The following CARMIL1 variants were observed in gnomAD, a reference collection of about 807,000 sequenced individuals.
CARMIL1 encodes the protein F-actin-uncapping protein LRRC16A.
Under a neutral mutation model 177.1 loss-of-function variants are expected in CARMIL1, and 90 were observed. That is an observed-to-expected ratio of 0.51 (90% CI 0.43 to 0.61). The LOEUF (loss-of-function observed/expected upper bound fraction) is 0.61. Among genes scored for constraint, CARMIL1 ranks in the 20% least tolerant of loss-of-function variants. The pLI, the probability that CARMIL1 is intolerant of heterozygous loss-of-function variation, is 0.00. For synonymous variants in CARMIL1, 577 were observed against 606.2 expected, an observed-to-expected ratio of 0.95 and a Z score of 0.71; for missense variants, 1,380 against 1,667.0, an observed-to-expected ratio of 0.83 and a Z score of 3.00.
At chr6:25,299,381 A>G (rs549470179) in intron 2 of CARMIL1, among the ~76,000 whole-genome samples, 1 of 151,040 alleles carries the variant, frequency 6.6e-6, no homozygotes, top group Admixed American at 6.6e-5. Flanking sequence ...CATGTTGGCC[A>G]GGCTGGTCTC....
chr6:25,599,504 T>C (rs1420930925), intron 32 of CARMIL1, among the ~76,000 whole-genome samples: 1 of 152,212 alleles, frequency 6.6e-6, no homozygotes, highest in Non-Finnish European at 1.5e-5. Flanking sequence ...ACTTCCTACT[T>C]AGCTCATTTC....
chr6:25,563,148 C>A, intron 29 of CARMIL1: 1 of 792,404 alleles, frequency 1.3e-6, no homozygotes, highest in Non-Finnish European at 1.5e-6. Context: ...TACAGTAGAG[C>A]CAATAGTAAG....
intron 2 of CARMIL1, among the ~76,000 whole-genome samples, chr6:25,295,711 A>G (rs538579366): frequency 1.3e-4 from 20 of 152,324 alleles, no homozygotes; most frequent in African/African-American, 4.1e-4. Context: ...GGGTTCTTTC[A>G]GATCTCCCTG....
intron 2 of CARMIL1, among the ~76,000 whole-genome samples, chr6:25,392,053 CATGTGTGTGTGTGTGT>C (rs1562076695): frequency 5.1e-4 from 55 of 107,640 alleles, no homozygotes; most frequent in African/African-American, 1.1e-3. Flanking sequence ...TGTGTATATG[CATGTGTGTGTGTGTGT>C]GTGTGTGTGT....
chr6:25,472,795 C>G (rs890815260), intron 11 of CARMIL1, among the ~76,000 whole-genome samples: 6 of 152,144 alleles, frequency 3.9e-5, no homozygotes, highest in African/African-American at 1.4e-4. Flanking sequence ...AACAAATTAC[C>G]ACATACTTGG....
chr6:25,511,896 T>A (rs1271254363), intron 20 of CARMIL1, among the ~76,000 whole-genome samples: 2 of 152,232 alleles, frequency 1.3e-5, no homozygotes, highest in African/African-American at 2.4e-5. Context: ...AATTCAGCAC[T>A]TCTCCTTACC....
chr6:25,290,222 A>G (rs867156771), intron 2 of CARMIL1, among the ~76,000 whole-genome samples: 2 of 152,082 alleles, frequency 1.3e-5, no homozygotes, highest in Non-Finnish European at 2.9e-5. Context: ...CAGCCTCCCA[A>G]GTAGCTGGGA....
chr6:25,284,438 G>A (rs1290668838), intron 1 of CARMIL1, among the ~76,000 whole-genome samples: 2 of 152,190 alleles, frequency 1.3e-5, no homozygotes, highest in African/African-American at 4.8e-5. Flanking sequence ...GGTCGGGCAC[G>A]GTGGCTCATG....
intron 2 of CARMIL1, among the ~76,000 whole-genome samples, chr6:25,330,510 G>T (rs180978418): frequency 5.3e-5 from 8 of 152,238 alleles, no homozygotes; most frequent in African/African-American, 1.9e-4. Flanking sequence ...AGACCAGGAA[G>T]GTTTCAACCA....
At chr6:25,512,968 C>T (rs1303749645) in intron 20 of CARMIL1, among the ~76,000 whole-genome samples, 1 of 152,132 alleles carries the variant, frequency 6.6e-6, no homozygotes, top group East Asian at 1.9e-4. Context: ...TAATGTTACA[C>T]AGAAGTACAA....
chr6:25,330,115 G>A (rs1187935511), intron 2 of CARMIL1, among the ~76,000 whole-genome samples: 4 of 152,214 alleles, frequency 2.6e-5, no homozygotes, highest in Admixed American at 2.0e-4. Flanking sequence ...GATGTGTCAG[G>A]CTTTATGCTG....
chr6:25,517,677 G>GA (rs1343572142), intron 22 of CARMIL1, among the ~76,000 whole-genome samples: 2 of 152,240 alleles, frequency 1.3e-5, no homozygotes, highest in African/African-American at 4.8e-5. Flanking sequence ...ATGAGATCGC[G>GA]GGAAAGGGGC....
chr6:25,604,866 G>A lies in CARMIL1; in HGVS notation c.3607G>A (p.Val1203Ile), dbSNP rs201109004. Residue 1203 changes from valine (V) to isoleucine (I), a missense_variant, in exon 34 of 37, where the codon GTA becomes ATA. Transcript: ENST00000329474. ...QDSSSPALSG[V>I]ERSDGGGAVP... ...TTCTTCCAGCCCAGCTTTGAGCGGC[G>A]TAGAACGGTCGGATGGAGGTGGGGC... is the stretch of plus-strand genomic sequence containing the variant. 75 of 1,596,764 alleles carry A rather than the reference G, an allele frequency of 4.7e-5. No individual in the cohort carries two copies. The African/African-American group carries it at 5.2e-4, about 11-fold the overall frequency.
chr6:25,444,331 A>G (rs1041171701), intron 5 of CARMIL1, among the ~76,000 whole-genome samples: 2 of 151,930 alleles, frequency 1.3e-5, no homozygotes, highest in African/African-American at 2.4e-5. Context: ...TAAAAAAAAA[A>G]GAAAAACAAT....
chr6:25,389,890 C>T (rs1033445470), intron 2 of CARMIL1, among the ~76,000 whole-genome samples: 1 of 152,168 alleles, frequency 6.6e-6, no homozygotes, highest in Non-Finnish European at 1.5e-5. Flanking sequence ...AGACTAGCCA[C>T]TGGTGTTGAA....
intron 2 of CARMIL1, among the ~76,000 whole-genome samples, chr6:25,298,611 C>G (rs1782612791): frequency 6.8e-6 from 1 of 146,418 alleles, no homozygotes; most frequent in Non-Finnish European, 1.5e-5. Flanking sequence ...CTTTCACTTC[C>G]CAGTTACTTA....
At chr6:25,480,561 T>A (rs1801996543) in intron 11 of CARMIL1, among the ~76,000 whole-genome samples, 2 of 150,926 alleles carry the variant, frequency 1.3e-5, no homozygotes, top group East Asian at 1.9e-4. Flanking sequence ...TTGAAAACAT[T>A]TGATATTTTT....
chr6:25,328,274 T>C (rs1785301460), intron 2 of CARMIL1, among the ~76,000 whole-genome samples: 1 of 152,136 alleles, frequency 6.6e-6, no homozygotes, highest in Admixed American at 6.6e-5. Flanking sequence ...TGAGGTACTT[T>C]AAAGGAGATC....
chr6:25,503,756 G>T (rs1410978278), intron 17 of CARMIL1, among the ~76,000 whole-genome samples: 2 of 152,166 alleles, frequency 1.3e-5, no homozygotes, highest in Non-Finnish European at 2.9e-5. Flanking sequence ...AATCCAAAAG[G>T]TGGTGAGAAA....
Sources: gnomAD v4.1 joint callset for allele counts (sites outside exome capture counted in the v4.1 genomes callset) on GRCh38, gnomAD v4.1.1 for gene constraint, MANE v1.5 for transcripts, NCBI Gene and HGNC (gene_info 2026-07-23, HGNC 2026-07-21) for gene names.